Variants in SGCZ observed in about 807,000 individuals in gnomAD.
The protein encoded by SGCZ is zeta-sarcoglycan.
A neutral mutation model predicts 41.3 loss-of-function variants in SGCZ; 40 were observed. The ratio of observed to expected loss-of-function variants is 0.97; its 90% CI spans 0.75 to 1.26. The LOEUF is 1.26. SGCZ is among the 50% of genes most tolerant of loss of function. The pLI is 0.00. For missense variants in SGCZ, 552 were observed against 369.8 expected, an observed-to-expected ratio of 1.49 and a Z score of -4.04; for synonymous variants, 206 against 137.5, an observed-to-expected ratio of 1.50 and a Z score of -3.49.
At chr8:15,032,858 C>G (rs1046161840) in intron 1 of SGCZ, among the ~76,000 whole-genome samples, 4 of 152,124 alleles carry the variant, frequency 2.6e-5, no homozygotes, top group African/African-American at 9.7e-5. Context: ...GATACAGGCT[C>G]AAAGCCTACT....
intron 1 of SGCZ, among the ~76,000 whole-genome samples, chr8:14,606,101 C>A (rs1430638669): frequency 1.3e-5 from 2 of 152,156 alleles, no homozygotes; most frequent in Admixed American, 1.3e-4. Context: ...ATTTCTCCAA[C>A]TTTTCTATTA....
At chr8:14,630,210 CAA>C (rs140154321) in intron 1 of SGCZ, among the ~76,000 whole-genome samples, 3,746 of 150,844 alleles carry the variant, frequency 0.025, 88 homozygotes, top group African/African-American at 0.065. Context: ...ACAAATTCAT[CAA>C]AGTTATTTTT....
chr8:14,844,167 T>C (rs76824134), intron 1 of SGCZ, among the ~76,000 whole-genome samples: 4,848 of 152,138 alleles, frequency 0.032, 268 homozygotes, highest in African/African-American at 0.11. Flanking sequence ...AATGGCATAG[T>C]ATTTACATAT....
chr8:14,245,571 C>T (rs993491964), intron 3 of SGCZ, among the ~76,000 whole-genome samples: 19 of 152,068 alleles, frequency 1.2e-4, no homozygotes, highest in African/African-American at 4.6e-4. Context: ...AAAGCAATGG[C>T]AACAAAAGCC....
chr8:14,149,266 T>G lies in SGCZ; in HGVS notation c.547+15314A>C, dbSNP rs191225627. Among the ~76,000 whole-genome samples, 612 of 152,188 alleles carry G rather than the reference T, an allele frequency of 4.0e-3. 4 individuals are homozygous for G. Among genetic ancestry groups the G allele is most frequent in the Non-Finnish European group, 5.9e-3 (404 of 67,974 alleles). On this transcript the variant is annotated intron_variant, in intron 5 of 7. Coordinates refer to ENST00000382080, the MANE Select transcript of SGCZ (RefSeq NM_139167.4). ...TTATCCTTGTTTGCAGATTATATGA[T>G]CTTATACTAAGAAAAACCTCAAGAT...
At chr8:14,384,895 G>A (rs1181287323) in intron 2 of SGCZ, among the ~76,000 whole-genome samples, 1 of 152,184 alleles carries the variant, frequency 6.6e-6, no homozygotes, top group Non-Finnish European at 1.5e-5. Context: ...GTAAGTCCCA[G>A]TTGAGCAAAA....
At chr8:14,097,065 T>C (rs1563123650) in intron 7 of SGCZ, among the ~76,000 whole-genome samples, 1 of 152,150 alleles carries the variant, frequency 6.6e-6, no homozygotes, top group Admixed American at 6.6e-5. Flanking sequence ...GATTCATTGA[T>C]TTTTTGAAGA....
intron 1 of SGCZ, among the ~76,000 whole-genome samples, chr8:14,933,976 A>G (rs902812646): frequency 5.9e-5 from 9 of 151,990 alleles, no homozygotes; most frequent in African/African-American, 2.2e-4. Flanking sequence ...AAAATTCCAA[A>G]AATTCATAAT....
intron 2 of SGCZ, among the ~76,000 whole-genome samples, chr8:14,498,532 T>A (rs373210194): frequency 6.6e-6 from 1 of 152,086 alleles, no homozygotes; most frequent in South Asian, 2.1e-4. Flanking sequence ...GAATAACCCA[T>A]AACATTTACT....
At chr8:14,160,765 A>C (rs572681599) in intron 5 of SGCZ, among the ~76,000 whole-genome samples, 14 of 152,168 alleles carry the variant, frequency 9.2e-5, no homozygotes, top group Admixed American at 6.5e-4. Context: ...GTATCAGGTA[A>C]ATTCCTGCTG....
At chr8:14,722,760 A>G (rs1809928640) in intron 1 of SGCZ, among the ~76,000 whole-genome samples, 1 of 152,112 alleles carries the variant, frequency 6.6e-6, no homozygotes, top group Non-Finnish European at 1.5e-5. Context: ...AAAACCTTCT[A>G]GGCAGAGGGA....
At chr8:15,124,280 A>G (rs1422305822) in intron 1 of SGCZ, among the ~76,000 whole-genome samples, 1 of 152,180 alleles carries the variant, frequency 6.6e-6, no homozygotes, top group Non-Finnish European at 1.5e-5. Flanking sequence ...TTCTTTCTAT[A>G]TTACAAGGAT....
At chr8:14,831,132 A>C (rs539009667) in intron 1 of SGCZ, among the ~76,000 whole-genome samples, 1 of 152,244 alleles carries the variant, frequency 6.6e-6, no homozygotes, top group African/African-American at 2.4e-5. Context: ...TCCAATTGAA[A>C]AGTGTATATG....
chr8:14,732,621 A>G (rs1798897742), intron 1 of SGCZ, among the ~76,000 whole-genome samples: 1 of 152,192 alleles, frequency 6.6e-6, no homozygotes, highest in South Asian at 2.1e-4. Flanking sequence ...TGAGAATTAG[A>G]AGACTGAGCT....
intron 1 of SGCZ, among the ~76,000 whole-genome samples, chr8:15,145,523 G>C (rs1799012783): frequency 6.6e-6 from 1 of 152,178 alleles, no homozygotes; most frequent in African/African-American, 2.4e-5. Context: ...CTGAAGTGCA[G>C]TGGTGCCATC....
chr8:15,195,623 G>C (rs1047878097), intron 1 of SGCZ, among the ~76,000 whole-genome samples: 1 of 152,144 alleles, frequency 6.6e-6, no homozygotes, highest in Non-Finnish European at 1.5e-5. Context: ...AATTCCATTA[G>C]TGTGCCACCC....
chr8:14,491,705 C>G (rs1024891008), intron 2 of SGCZ, among the ~76,000 whole-genome samples: 2 of 152,066 alleles, frequency 1.3e-5, no homozygotes, highest in Non-Finnish European at 2.9e-5. Context: ...ATAAAATTTT[C>G]TTTGTTACAC....
chr8:14,614,154 G>A (rs760436204), intron 1 of SGCZ, among the ~76,000 whole-genome samples: 3 of 152,040 alleles, frequency 2.0e-5, no homozygotes, highest in Non-Finnish European at 4.4e-5. Flanking sequence ...CCTAATGTCC[G>A]TTGCTAAATT....
At chr8:15,186,348 T>C (rs1800345002) in intron 1 of SGCZ, among the ~76,000 whole-genome samples, 1 of 142,342 alleles carries the variant, frequency 7.0e-6, no homozygotes, top group Non-Finnish European at 1.5e-5. Flanking sequence ...AGTCTCCAAA[T>C]ATAACGCTGA....
Sources: gnomAD v4.1 joint callset for allele counts (sites outside exome capture counted in the v4.1 genomes callset) on GRCh38, gnomAD v4.1.1 for gene constraint, MANE v1.5 for transcripts, NCBI Gene and HGNC (gene_info 2026-07-23, HGNC 2026-07-21) for gene names.